The following LAMA1 variants were observed in gnomAD, a reference collection of about 807,000 sequenced individuals.
LAMA1 encodes the protein laminin subunit alpha-1.
A neutral mutation model predicts 348.7 loss-of-function variants in LAMA1; 219 were observed. That is an observed-to-expected ratio of 0.63 (90% confidence interval 0.56 to 0.70). LAMA1 has a LOEUF of 0.70. Among genes scored for constraint, LAMA1 ranks in the 30% least tolerant of loss-of-function variants. The probability of loss-of-function intolerance (pLI) is 0.00; values close to 1 mark genes in which losing one functional copy is unlikely to be tolerated. For synonymous variants in LAMA1, 1,487 were observed against 1,491.0 expected, an observed-to-expected ratio of 1.00 and a Z score of 0.06; for missense variants, 3,744 against 3,888.0, an observed-to-expected ratio of 0.96 and a Z score of 0.99.
intron 17 of LAMA1, among the ~76,000 whole-genome samples, chr18:7,024,897 G>C (rs1474826520): frequency 6.6e-6 from 1 of 152,168 alleles, no homozygotes; most frequent in Non-Finnish European, 1.5e-5. Context: ...CAGGGCAAAA[G>C]TGAGCTCACT....
At chr18:7,063,863 C>T (rs753186677) in intron 3 of LAMA1, among the ~76,000 whole-genome samples, 41 of 152,052 alleles carry the variant, frequency 2.7e-4, no homozygotes, top group Admixed American at 1.0e-3. Flanking sequence ...AAGAGAGGAA[C>T]GTGGAGTTGG....
Position 7,049,077 on chromosome 18 carries a change from C to A in LAMA1, c.768+1G>T. 6.2e-7 allele frequency: 1 copy of A among 1,613,250 alleles called. No individual in the cohort carries two copies. The highest frequency in any genetic ancestry group is 8.5e-7 in the Non-Finnish European group (1 of 1,179,308). ...TGGCAGGACTGCCGTCCCATACTCACGCGTCTGGTAACAATAGGATCCAGT... is the reference window on the plus strand; with the variant it reads ...TGGCAGGACTGCCGTCCCATACTCAAGCGTCTGGTAACAATAGGATCCAGT... On this transcript the variant is annotated splice_donor_variant, in intron 5 of 62. Coordinates refer to ENST00000389658, the MANE Select transcript of LAMA1 (RefSeq NM_005559.4). LOFTEE classifies it high-confidence loss of function.
chr18:6,962,198 G>A, intron 51 of LAMA1, 139 bp from the exon 52 acceptor site: 1 of 708,240 alleles, frequency 1.4e-6, no homozygotes. Flanking sequence ...GAGGTAGAAG[G>A]ATTACCTAAG....
Position 7,114,074 on chromosome 18 carries a change from C to A in LAMA1, c.61+3586G>T, listed in dbSNP as rs1472398820. On this transcript the variant is annotated intron_variant, in intron 1 of 62. Transcript: ENST00000389658. ...CCTGGGCGACAGAGCGAGACTCCGT[C>A]TCAAAAAAAAAAAAAAAAGAAAAAA... Among the ~76,000 whole-genome samples the A allele has an allele frequency of 3.6e-4, 35 of 96,056 alleles. 1 individual carries two copies. The highest frequency in any genetic ancestry group is 6.3e-3 in the Middle Eastern group (1 of 160). 63.0% of individuals were successfully genotyped at this position (96,056 alleles called of 152,430 possible). A position where few individuals can be genotyped will look rare whatever the true frequency, so the allele number is the denominator to read the frequency against.
chr18:7,042,838 G>A (rs1480730878), intron 8 of LAMA1: 4 of 211,038 alleles, frequency 1.9e-5, no homozygotes, highest in African/African-American at 4.7e-5. Flanking sequence ...AGCCGAGATC[G>A]CACCACTGCA....
At chr18:7,089,858 T>A (rs1461458414) in intron 1 of LAMA1, among the ~76,000 whole-genome samples, 1 of 152,204 alleles carries the variant, frequency 6.6e-6, no homozygotes, top group Non-Finnish European at 1.5e-5. Context: ...CCCCAACAGG[T>A]TCAGGGGGGC....
intron 15 of LAMA1, among the ~76,000 whole-genome samples, chr18:7,032,540 A>G (rs2057975001): frequency 6.6e-6 from 1 of 152,226 alleles, no homozygotes; most frequent in Non-Finnish European, 1.5e-5. Context: ...GAGGATTCCA[A>G]GCGCATTTTC....
At chr18:7,113,258 T>G (rs992807225) in intron 1 of LAMA1, among the ~76,000 whole-genome samples, 1 of 152,206 alleles carries the variant, frequency 6.6e-6, no homozygotes, top group African/African-American at 2.4e-5. Context: ...TGTCCGGCAC[T>G]TAAGAGCCCA....
At chr18:6,958,445 T>C (rs560430800) in intron 55 of LAMA1, 32 bp downstream of exon 55, 2 of 1,610,342 alleles carry the variant, frequency 1.2e-6, no homozygotes, top group African/African-American at 1.3e-5. Context: ...GGTCAGAAAG[T>C]GCAAGAACAT....
chr18:7,086,155 A>T (rs1259120761), intron 1 of LAMA1, among the ~76,000 whole-genome samples: 1 of 152,218 alleles, frequency 6.6e-6, no homozygotes, highest in Non-Finnish European at 1.5e-5. Context: ...CTCCCAGGGC[A>T]CTATGATGAA....
At chr18:6,972,020 G>A in intron 47 of LAMA1, 39 bp from the exon 48 acceptor site, 1 of 1,610,394 alleles carries the variant, frequency 6.2e-7, no homozygotes, top group Non-Finnish European at 8.5e-7. Context: ...CAATATATAA[G>A]CTGACCAAGC....
At chr18:7,055,331 T>C (rs2058077279) in intron 3 of LAMA1, among the ~76,000 whole-genome samples, 1 of 151,472 alleles carries the variant, frequency 6.6e-6, no homozygotes, top group Non-Finnish European at 1.5e-5. Flanking sequence ...CACATGCCTG[T>C]AATCCCAGCT....
In LAMA1 at chr18:7,037,752, C is replaced by G; in HGVS notation, c.1564-1G>C. The G allele has an allele frequency of 1.2e-6, 2 of 1,614,064 alleles. No homozygotes were observed. Among genetic ancestry groups the G allele is most frequent in the Non-Finnish European group, 1.7e-6 (2 of 1,179,992 alleles). ...CCAGCCACCCGGACATACTGTTTAC[C>G]TTAAAAACAAATTCAAGAATTTTGA... On this transcript the variant is annotated splice_acceptor_variant, in intron 11 of 62. Coordinates refer to ENST00000389658, the MANE Select transcript of LAMA1 (RefSeq NM_005559.4). LOFTEE classifies it high-confidence loss of function.
intron 1 of LAMA1, among the ~76,000 whole-genome samples, chr18:7,105,786 A>T (rs551652071): frequency 6.6e-6 from 1 of 152,194 alleles, no homozygotes. Context: ...GCAACACCAG[A>T]CTTTATCCCA....
At position 6,949,158 on chromosome 18, in the gene LAMA1, C is replaced by T. The variant is rs199939399; in HGVS notation, c.8499G>A (p.Glu2833=). ...VVGDGTMLDV[E]GLFYLGGLPS... ...GCAGGCCTCCTAGGTAGAACAAACC[C>T]TCCACATCCAGCATGGTTCCATCTC... is the stretch of plus-strand genomic sequence containing the variant. Residue 2833 remains glutamate (E), a synonymous_variant, in exon 59 of 63, where the codon GAG becomes GAA. Transcript: ENST00000389658. The T allele has an allele frequency of 1.4e-5, 22 of 1,614,178 alleles. No homozygotes were observed. The East Asian group carries it at 4.9e-4, about 36-fold the overall frequency.
At chr18:6,956,130 C>A in intron 56 of LAMA1, 1 of 321,966 alleles carries the variant, frequency 3.1e-6, no homozygotes, top group South Asian at 2.6e-5. Context: ...AATGCTTCTG[C>A]CATCTTCTAA....
At chr18:7,098,719 GGGGGGTC>G (rs2058275805) in intron 1 of LAMA1, among the ~76,000 whole-genome samples, 4 of 144,774 alleles carry the variant, frequency 2.8e-5, no homozygotes, top group Non-Finnish European at 6.1e-5. Context: ...GAGGGAGGTG[GGGGGGTC>G]AGCCCCCCGC....
intron 29 of LAMA1, among the ~76,000 whole-genome samples, chr18:7,005,508 G>C (rs547029607): frequency 6.6e-5 from 10 of 152,318 alleles, no homozygotes; most frequent in African/African-American, 2.4e-4. Flanking sequence ...CAGCACCTTG[G>C]GAGGCCAAGG....
At chr18:7,110,888 T>TCCC (rs35705241) in intron 1 of LAMA1, among the ~76,000 whole-genome samples, 12 of 143,058 alleles carry the variant, frequency 8.4e-5, no homozygotes, top group South Asian at 2.2e-4. Context: ...TTTTTTTCCC[T>TCCC]CCCCCCCCCC....
Sources: gnomAD v4.1 joint callset for allele counts (sites outside exome capture counted in the v4.1 genomes callset) on GRCh38, gnomAD v4.1.1 for gene constraint, MANE v1.5 for transcripts, NCBI Gene and HGNC (gene_info 2026-07-23, HGNC 2026-07-21) for gene names.